RUNX1: variants seen among roughly 807,000 people sequenced by gnomAD.
RUNX1 encodes the protein RUNX family transcription factor 1.
Under a neutral mutation model 42.8 loss-of-function variants are expected in RUNX1, and 19 were observed. That is an observed-to-expected ratio of 0.44 (90% CI 0.31 to 0.65). The LOEUF (loss-of-function observed/expected upper bound fraction) is 0.65, where lower values mean the gene tolerates loss of function less well. Ranked by LOEUF, RUNX1 falls within the 30% of genes least tolerant of loss-of-function variation. The pLI is 0.07. For missense variants in RUNX1, 528 were observed against 672.0 expected (o/e 0.79, Z 2.37); for synonymous variants, 271 against 289.4 (o/e 0.94, Z 0.64).
intron 2 of RUNX1, among the ~76,000 whole-genome samples, chr21:35,025,013 G>A (rs183171645): frequency 5.3e-5 from 8 of 152,302 alleles, no homozygotes; most frequent in African/African-American, 1.7e-4. Context: ...TACTTGTTTA[G>A]CCAATAAACT....
At chr21:35,047,605 T>A (rs964225615) in intron 2 of RUNX1, among the ~76,000 whole-genome samples, 1 of 147,350 alleles carries the variant, frequency 6.8e-6, no homozygotes, top group African/African-American at 2.5e-5. Flanking sequence ...TCTCATCAAG[T>A]TTTTTAATTT....
Position 34,820,644 on chromosome 21 carries a change from CA to C in RUNX1, c.805+13765del, listed in dbSNP as rs550724165. On this transcript the variant is annotated intron_variant, in intron 7 of 8. Transcript: ENST00000675419. ...GGGTGACAAGAGTGAAACACCGTCT[CA>C]AAAAAAAAAAAGCATCACTCCTCCT... Among the ~76,000 whole-genome samples, 447 of 133,866 alleles carry C rather than the reference CA, an allele frequency of 3.3e-3. 1 individual carries two copies. The highest frequency in any genetic ancestry group is 8.1e-3 in the African/African-American group (293 of 36,050). 87.8% of individuals were successfully genotyped at this position (133,866 alleles called of 152,430 possible).
chr21:35,005,753 A>G (rs1479760936), intron 2 of RUNX1, among the ~76,000 whole-genome samples: 1 of 152,190 alleles, frequency 6.6e-6, no homozygotes, highest in East Asian at 1.9e-4. Flanking sequence ...TTTTGGCTGC[A>G]GCTGGAAGTC....
chr21:34,813,647 C>A (rs1222491783), intron 7 of RUNX1, among the ~76,000 whole-genome samples: 1 of 152,142 alleles, frequency 6.6e-6, no homozygotes, highest in Non-Finnish European at 1.5e-5. Flanking sequence ...ACCAACAAGA[C>A]TGCTCCTGAG....
At chr21:34,919,349 C>A (rs140146597) in intron 2 of RUNX1, among the ~76,000 whole-genome samples, 1,589 of 152,330 alleles carry the variant, frequency 0.01, 13 homozygotes, top group Non-Finnish European at 0.017. Context: ...AGAACCAAGA[C>A]AACTACACTC....
chr21:35,017,525 G>A (rs1458168266), intron 2 of RUNX1, among the ~76,000 whole-genome samples: 1 of 152,180 alleles, frequency 6.6e-6, no homozygotes, highest in Non-Finnish European at 1.5e-5. Flanking sequence ...AGGGGCCAAG[G>A]AGACTGAAAT....
At chr21:35,014,414 C>T (rs2059145683) in intron 2 of RUNX1, among the ~76,000 whole-genome samples, 1 of 152,278 alleles carries the variant, frequency 6.6e-6, no homozygotes, top group Non-Finnish European at 1.5e-5. Context: ...TGGTGACTTT[C>T]CTTCTAGTCC....
intron 2 of RUNX1, among the ~76,000 whole-genome samples, chr21:34,965,226 G>A (rs201380581): frequency 1.4e-5 from 1 of 73,134 alleles, no homozygotes; most frequent in East Asian, 3.2e-4. Flanking sequence ...TCACACACAT[G>A]CCAACACACT....
intron 2 of RUNX1, among the ~76,000 whole-genome samples, chr21:35,020,160 AT>A (rs531038480): frequency 1.9e-3 from 284 of 150,456 alleles, no homozygotes; most frequent in African/African-American, 3.1e-3. Context: ...TTGCAATTAG[AT>A]TTTTTTTTTA....
intron 7 of RUNX1, chr21:34,834,037 C>A: frequency 4.8e-6 from 2 of 412,606 alleles, no homozygotes; most frequent in Non-Finnish European, 9.4e-6. Context: ...GTGTGTGTGT[C>A]TGCGTGTGTG....
intron 2 of RUNX1, among the ~76,000 whole-genome samples, chr21:35,023,955 A>T (rs1049297349): frequency 5.3e-5 from 8 of 149,578 alleles, no homozygotes; most frequent in Admixed American, 1.3e-4. Flanking sequence ...TACTATATTT[A>T]TATAGTTTAC....
chr21:34,998,842 CTT>C (rs1464060287), intron 2 of RUNX1, among the ~76,000 whole-genome samples: 3 of 152,130 alleles, frequency 2.0e-5, no homozygotes, highest in Non-Finnish European at 4.4e-5. Context: ...TGCCCGGCCT[CTT>C]TTTTCTTAAG....
At position 34,901,313 on chromosome 21, in the gene RUNX1, C is replaced by A. The variant is rs372442332; in HGVS notation, c.59-8350G>T. 2.0e-5 allele frequency among the ~76,000 whole-genome samples: 3 copies of A among 152,036 alleles called. No individual in the cohort carries two copies. Among genetic ancestry groups the A allele is most frequent in the South Asian group, 2.1e-4 (1 of 4,788 alleles). On this transcript the variant is annotated intron_variant, in intron 2 of 8. Transcript: ENST00000675419. This position sits in a 1 kb window ranked among gnomAD's most constrained non-coding sequence, Gnocchi z 4.3. The stretch of plus-strand genomic sequence containing the variant: ...GATCATGAGGTCAAGAGTTTGAGAC[C>A]AGCCCGGCCAACATGGTGAAACCCC...
chr21:35,009,953 G>A (rs1052524415), intron 2 of RUNX1, among the ~76,000 whole-genome samples: 2 of 152,214 alleles, frequency 1.3e-5, no homozygotes, highest in African/African-American at 4.8e-5. Flanking sequence ...ATCAGTTGAT[G>A]CTGAAGCTGT....
chr21:34,920,704 A>G (rs1336781931), intron 2 of RUNX1, among the ~76,000 whole-genome samples: 1 of 152,168 alleles, frequency 6.6e-6, no homozygotes, highest in Non-Finnish European at 1.5e-5. Flanking sequence ...GAAGTTATAT[A>G]TACACATCCA....
intron 6 of RUNX1, among the ~76,000 whole-genome samples, chr21:34,852,331 T>C (rs1369450877): frequency 6.6e-6 from 1 of 152,058 alleles, no homozygotes; most frequent in Non-Finnish European, 1.5e-5. Flanking sequence ...AGAAGCCCAT[T>C]CCCTTCACGG....
intron 7 of RUNX1, among the ~76,000 whole-genome samples, chr21:34,809,997 T>C (rs1200704377): frequency 1.3e-5 from 2 of 152,202 alleles, no homozygotes; most frequent in African/African-American, 4.8e-5. Context: ...CTGGGCTTCC[T>C]CTGGTGACTA....
intron 2 of RUNX1, among the ~76,000 whole-genome samples, chr21:34,955,066 T>C (rs140833052): frequency 6.6e-6 from 1 of 152,250 alleles, no homozygotes; most frequent in African/African-American, 2.4e-5. Context: ...TCTATAAAAA[T>C]GAGAATAATG....
intron 2 of RUNX1, among the ~76,000 whole-genome samples, chr21:34,971,573 C>G (rs939511115): frequency 7.9e-5 from 12 of 152,094 alleles, no homozygotes; most frequent in Non-Finnish European, 1.5e-5. Flanking sequence ...ATCCACCCAC[C>G]CTTCCATCAT....
Sources: allele counts gnomAD v4.1 joint callset (sites outside exome capture counted in the v4.1 genomes callset), GRCh38; gene constraint gnomAD v4.1.1; non-coding constraint Gnocchi (gnomAD v3.1); transcripts MANE v1.5; gene names NCBI Gene and HGNC (gene_info 2026-07-23, HGNC 2026-07-21).